Variants in TDRD1 observed in about 807,000 individuals in gnomAD.
TDRD1 encodes tudor domain containing 1.
In TDRD1, 37 loss-of-function variants were observed where a neutral mutation model predicts 140.6. The ratio of observed to expected loss-of-function variants is 0.26; its 90% confidence interval spans 0.20 to 0.35. The LOEUF is 0.35. TDRD1 is among the 10% of genes least tolerant of loss of function. TDRD1 has a pLI of 1.00. For missense variants in TDRD1, 1,243 were observed against 1,393.0 expected (o/e 0.89, Z 1.71); for synonymous variants, 506 against 475.7 (o/e 1.06, Z -0.83).
At chr10:114,220,098 A>G (rs1163986481) in intron 18 of TDRD1, among the ~76,000 whole-genome samples, 8 of 152,218 alleles carry the variant, frequency 5.3e-5, no homozygotes, top group South Asian at 4.1e-4. Context: ...ATACATGTTC[A>G]AGTTTGAAAA....
intron 4 of TDRD1, among the ~76,000 whole-genome samples, chr10:114,201,157 C>T (rs2034713429): frequency 6.6e-6 from 1 of 152,056 alleles, no homozygotes; most frequent in South Asian, 2.1e-4. Flanking sequence ...CACCTGGCCG[C>T]TTGCTGCTTT....
At chr10:114,224,419 C>T (rs1438031360) in intron 21 of TDRD1, among the ~76,000 whole-genome samples, 2 of 152,142 alleles carry the variant, frequency 1.3e-5, no homozygotes, top group East Asian at 3.9e-4. Context: ...TTTTGCTGGG[C>T]ACTCAGTGGG....
chr10:114,201,666 T>G, intron 5 of TDRD1, 151 bp downstream of exon 5: 7 of 578,052 alleles, frequency 1.2e-5, no homozygotes, highest in Non-Finnish European at 1.2e-5. Flanking sequence ...TGAACAGCTC[T>G]ATGAACTTAA....
intron 20 of TDRD1, 93 bp from the exon 21 acceptor site, chr10:114,222,494 T>C (rs2036202157): frequency 1.7e-6 from 1 of 596,662 alleles, no homozygotes; most frequent in Non-Finnish European, 2.9e-6. Context: ...ACACAAAGGG[T>C]TTTTGGATTG....
At chr10:114,188,015 A>C (rs1359886163) in exon 2 of TDRD1, 2 of 1,614,086 alleles carry the variant, frequency 1.2e-6, no homozygotes, top group Non-Finnish European at 1.7e-6. Context: ...AGAGAATGGA[A>C]ATAAAAAGAA....
chr10:114,226,666 A>C (rs2036455872), intron 22 of TDRD1, among the ~76,000 whole-genome samples: 1 of 152,242 alleles, frequency 6.6e-6, no homozygotes, highest in Non-Finnish European at 1.5e-5. Context: ...CTTAGTTGGA[A>C]TTTGAACAAA....
exon 18 of TDRD1, chr10:114,218,526 A>C: frequency 1.2e-6 from 2 of 1,612,444 alleles, no homozygotes; most frequent in East Asian, 4.5e-5. Flanking sequence ...ATGAACTCCG[A>C]ATGATATCAT....
chr10:114,219,244 T>C (rs2035994859), intron 18 of TDRD1, among the ~76,000 whole-genome samples: 1 of 152,252 alleles, frequency 6.6e-6, no homozygotes, highest in Non-Finnish European at 1.5e-5. Context: ...GCTTGCTGTC[T>C]ATGAGACGTT....
chr10:114,223,823 C>T (rs1355098724), intron 21 of TDRD1, among the ~76,000 whole-genome samples: 1 of 152,148 alleles, frequency 6.6e-6, no homozygotes, highest in Non-Finnish European at 1.5e-5. Flanking sequence ...CCTCAAAGAA[C>T]ACAACATGTA....
chr10:114,198,682 G>T (rs1458943812), intron 3 of TDRD1, among the ~76,000 whole-genome samples: 1 of 152,094 alleles, frequency 6.6e-6, no homozygotes, highest in Non-Finnish European at 1.5e-5. Context: ...TCACTGTGTT[G>T]GCCAGGCTGG....
chr10:114,211,025 A>G lies in TDRD1; in HGVS notation c.1660+58A>G, dbSNP rs1055483078. On this transcript the variant is annotated intron_variant, in intron 13 of 25. Transcript: ENST00000251864. ...TATTTTTATTTATTTTTTACTTAGA[A>G]TTGAGTAAAAACCATTGAAACAGAG... 3.7e-6 allele frequency: 5 copies of G among 1,353,678 alleles called. No homozygotes were observed. In the African/African-American group the frequency reaches 7.4e-5, roughly 20 times the overall value. The allele number at this position is 1,353,678 out of a possible 1,614,324, so 83.9% of individuals were successfully genotyped here. A position where few individuals can be genotyped will look rare whatever the true frequency, so the allele number is the denominator to read the frequency against.
In TDRD1 at chr10:114,208,126, G is replaced by GA. The variant is rs1423397397; in HGVS notation, c.1384+1801dup. 1.1e-4 allele frequency among the ~76,000 whole-genome samples: 16 copies of GA among 152,248 alleles called. No homozygotes were observed. In the East Asian group the frequency reaches 2.9e-3, roughly 28 times the overall value. On this transcript the variant is annotated intron_variant, in intron 11 of 25. Coordinates refer to ENST00000251864, the Ensembl canonical transcript of TDRD1. The stretch of plus-strand genomic sequence containing the variant: ...AAAGCATGAGCAGGCCTGAGAAACT[G>GA]AAAAATAAGTAGGGCTAGATTTGAC...
At chr10:114,204,633 C>T (rs2034983048) in intron 9 of TDRD1, 89 bp from the exon 10 acceptor site, 2 of 1,301,646 alleles carry the variant, frequency 1.5e-6, no homozygotes, top group Non-Finnish European at 2.1e-6. Context: ...AAGTTTTCAG[C>T]ATGAAATACA....
chr10:114,201,371 G>A, intron 4 of TDRD1, 39 bp from the exon 5 acceptor site: 1 of 1,522,348 alleles, frequency 6.6e-7, no homozygotes, highest in Non-Finnish European at 9.1e-7. Flanking sequence ...AGAATGTCTT[G>A]ATCTTCATCT....
exon 16 of TDRD1, chr10:114,214,111 G>T (rs754886450): frequency 1.2e-6 from 2 of 1,612,834 alleles, no homozygotes; most frequent in African/African-American, 2.7e-5. Flanking sequence ...GCTTAAAGAG[G>T]ATGGTAAGTT....
intron 7 of TDRD1, 40 bp downstream of exon 7, chr10:114,203,216 A>G (rs769248044): frequency 1.2e-5 from 19 of 1,528,360 alleles, no homozygotes; most frequent in Non-Finnish European, 1.6e-5. Context: ...ACAGATCCAG[A>G]GAACTGTATT....
At chr10:114,213,260 C>T (rs1210053882) in intron 14 of TDRD1, 86 bp from the exon 15 acceptor site, 1 of 1,315,808 alleles carries the variant, frequency 7.6e-7, no homozygotes, top group African/African-American at 1.5e-5. Flanking sequence ...CCATAGGTTT[C>T]TTAAGTTTAC....
At chr10:114,227,886 G>A (rs2036530934) in intron 23 of TDRD1, 24 bp from the exon 24 acceptor site, 3 of 1,603,690 alleles carry the variant, frequency 1.9e-6, no homozygotes, top group Non-Finnish European at 1.7e-6. Flanking sequence ...GTTATCTAAT[G>A]GCTTATTTTT....
chr10:114,192,271 C>CAAA (rs1159946494), intron 3 of TDRD1, among the ~76,000 whole-genome samples: 10 of 135,732 alleles, frequency 7.4e-5, no homozygotes, highest in Non-Finnish European at 1.4e-4. Context: ...TTTTTTTCCC[C>CAAA]AAAAAAGTTT....
Sources: gnomAD v4.1 joint callset for allele counts (sites outside exome capture counted in the v4.1 genomes callset) on GRCh38, gnomAD v4.1.1 for gene constraint, MANE v1.5 for transcripts, NCBI Gene and HGNC (gene_info 2026-07-23, HGNC 2026-07-21) for gene names.